The following CACNA2D3 variants were observed in gnomAD, a reference collection of about 807,000 sequenced individuals.
CACNA2D3 encodes the protein voltage-dependent calcium channel subunit alpha-2/delta-3.
CACNA2D3 carries 60 observed loss-of-function variants against 160.6 expected under a neutral mutation model. The observed-to-expected ratio is 0.37, with a 90% CI of 0.30 to 0.46. The LOEUF (loss-of-function observed/expected upper bound fraction) is 0.46, where lower values mean the gene tolerates loss of function less well. Among genes scored for constraint, CACNA2D3 ranks in the 20% least tolerant of loss-of-function variants. The pLI, the probability that CACNA2D3 is intolerant of heterozygous loss-of-function variation, is 1.00. For missense variants in CACNA2D3, 1,205 were observed against 1,365.0 expected (o/e 0.88, Z 1.85); for synonymous variants, 558 against 492.9 (o/e 1.13, Z -1.75).
chr3:54,423,021 A>G (rs1184050793), intron 4 of CACNA2D3, among the ~76,000 whole-genome samples: 1 of 152,224 alleles, frequency 6.6e-6, no homozygotes, highest in Non-Finnish European at 1.5e-5. Flanking sequence ...GATGATGCCC[A>G]GAGAATATTG....
intron 2 of CACNA2D3, among the ~76,000 whole-genome samples, chr3:54,154,989 C>A (rs1189087833): frequency 1.3e-5 from 2 of 152,170 alleles, no homozygotes; most frequent in Non-Finnish European, 2.9e-5. Flanking sequence ...TGAATCAGTA[C>A]TATAAATAAA....
At chr3:54,489,651 C>T (rs1037881909) in intron 4 of CACNA2D3, among the ~76,000 whole-genome samples, 2 of 152,202 alleles carry the variant, frequency 1.3e-5, no homozygotes, top group Non-Finnish European at 2.9e-5. Flanking sequence ...ACTCAGTGTG[C>T]TGGAGTTAAA....
At chr3:54,628,237 G>GA (rs2106818037) in intron 10 of CACNA2D3, among the ~76,000 whole-genome samples, 1 of 152,182 alleles carries the variant, frequency 6.6e-6, no homozygotes, top group South Asian at 2.1e-4. Flanking sequence ...AAAAAAAATA[G>GA]AAAAAGAAAA....
intron 2 of CACNA2D3, among the ~76,000 whole-genome samples, chr3:54,174,532 A>ATT (rs146054433): frequency 2.0e-5 from 3 of 149,600 alleles, no homozygotes; most frequent in African/African-American, 7.4e-5. Context: ...AGCTTGAACT[A>ATT]TTTTTTTTTT....
At chr3:54,375,478 A>T (rs1698997664) in intron 3 of CACNA2D3, among the ~76,000 whole-genome samples, 1 of 152,106 alleles carries the variant, frequency 6.6e-6, no homozygotes, top group Non-Finnish European at 1.5e-5. Context: ...AGGAGGAGTC[A>T]TTTGAGCTGC....
chr3:54,774,077 GT>G (rs976053266), intron 13 of CACNA2D3, among the ~76,000 whole-genome samples: 1 of 152,180 alleles, frequency 6.6e-6, no homozygotes, highest in Admixed American at 6.5e-5. Flanking sequence ...AGCACTCTTT[GT>G]TTACAAGTCA....
At chr3:54,947,407 A>C (rs1701643257) in intron 27 of CACNA2D3, among the ~76,000 whole-genome samples, 1 of 152,196 alleles carries the variant, frequency 6.6e-6, no homozygotes, top group South Asian at 2.1e-4. Context: ...AGGGAGAAAG[A>C]AAAAGAATAC....
intron 13 of CACNA2D3, among the ~76,000 whole-genome samples, chr3:54,809,307 C>CTTTTTTTTTTTTTTTTTTTTT (rs1417063441): frequency 2.3e-5 from 2 of 86,248 alleles, no homozygotes; most frequent in Non-Finnish European, 4.1e-5. Context: ...TTCCTTCCTT[C>CTTTTTTTTTTTTTTTTTTTTT]TTTCTTTTTT....
At chr3:54,766,968 G>T (rs1189525348) in intron 13 of CACNA2D3, among the ~76,000 whole-genome samples, 1 of 149,528 alleles carries the variant, frequency 6.7e-6, no homozygotes, top group Non-Finnish European at 1.5e-5. Flanking sequence ...ACAAGAAACA[G>T]AATAAACCAG....
intron 4 of CACNA2D3, among the ~76,000 whole-genome samples, chr3:54,460,931 T>C (rs1457037690): frequency 6.6e-6 from 1 of 152,180 alleles, no homozygotes; most frequent in African/African-American, 2.4e-5. Flanking sequence ...ATAGCTCTTA[T>C]TATTTTGAGA....
At chr3:54,206,982 C>G (rs1701287210) in intron 2 of CACNA2D3, among the ~76,000 whole-genome samples, 2 of 152,232 alleles carry the variant, frequency 1.3e-5, no homozygotes, top group Admixed American at 1.3e-4. Flanking sequence ...CTTCCTATAG[C>G]CCCTGACAGG....
At chr3:54,238,996 C>G (rs1348753224) in intron 2 of CACNA2D3, among the ~76,000 whole-genome samples, 1 of 152,156 alleles carries the variant, frequency 6.6e-6, no homozygotes, top group Non-Finnish European at 1.5e-5. Context: ...TAAAATGTAA[C>G]CATACTGTGG....
At chr3:54,614,897 A>G (rs1348097177) in intron 9 of CACNA2D3, among the ~76,000 whole-genome samples, 1 of 152,212 alleles carries the variant, frequency 6.6e-6, no homozygotes, top group Non-Finnish European at 1.5e-5. Flanking sequence ...TTGGAAACAT[A>G]TAATATATGT....
chr3:54,992,180 T>G (rs146423412), intron 31 of CACNA2D3, among the ~76,000 whole-genome samples: 257 of 152,280 alleles, frequency 1.7e-3, no homozygotes, highest in Non-Finnish European at 3.0e-3. Flanking sequence ...TTTAAAAGCT[T>G]CTCTGTGATT....
At chr3:54,446,478 C>G (rs1341677697) in intron 4 of CACNA2D3, among the ~76,000 whole-genome samples, 1 of 152,190 alleles carries the variant, frequency 6.6e-6, no homozygotes, top group Admixed American at 6.5e-5. Context: ...CCACACTATG[C>G]TGCTGCCTTT....
At chr3:54,249,672 C>A (rs1702147071) in intron 2 of CACNA2D3, among the ~76,000 whole-genome samples, 1 of 150,334 alleles carries the variant, frequency 6.7e-6, no homozygotes, top group African/African-American at 2.5e-5. Context: ...TACACACACA[C>A]ACACACACAC....
At chr3:54,339,150 C>T (rs1704460259) in intron 3 of CACNA2D3, among the ~76,000 whole-genome samples, 1 of 152,184 alleles carries the variant, frequency 6.6e-6, no homozygotes, top group Non-Finnish European at 1.5e-5. Context: ...GCCTGTCTCT[C>T]CCAGCCCCTC....
At chr3:55,002,468 T>C (rs1051483559) in intron 31 of CACNA2D3, among the ~76,000 whole-genome samples, 1 of 152,206 alleles carries the variant, frequency 6.6e-6, no homozygotes, top group African/African-American at 2.4e-5. Context: ...GAGTTGTCCA[T>C]TGTGGTCTGC....
rs1343541038 is a variant in CACNA2D3 at position 54,122,582 on chromosome 3, G to C, written c.-132G>C. On this transcript the variant is annotated 5_prime_UTR_variant, in exon 1 of 38. Coordinates refer to ENST00000474759, the MANE Select transcript of CACNA2D3 (RefSeq NM_018398.3). Reference sequence around the variant, plus strand: ...TTTTTCTGCTCCCCAAGTGAGCCGGGCGCGCGAGAGGCAGGCGGGGCGGCG... The same window carrying C: ...TTTTTCTGCTCCCCAAGTGAGCCGGCCGCGCGAGAGGCAGGCGGGGCGGCG... The C allele has an allele frequency of 3.5e-6, 1 of 283,948 alleles. No individual in the cohort carries two copies. The highest frequency in any genetic ancestry group is 5.2e-6 in the Non-Finnish European group (1 of 193,510). The allele number at this position is 283,948 out of a possible 1,614,324, so 17.6% of individuals were successfully genotyped here.
Sources: allele counts gnomAD v4.1 joint callset (sites outside exome capture counted in the v4.1 genomes callset), GRCh38; gene constraint gnomAD v4.1.1; transcripts MANE v1.5; gene names NCBI Gene and HGNC (gene_info 2026-07-23, HGNC 2026-07-21).